VPS37D: variants seen among roughly 807,000 people sequenced by gnomAD.
The protein encoded by VPS37D is VPS37D subunit of ESCRT-I, also known as vacuolar protein sorting-associated protein 37D.
Under a neutral mutation model 22.0 loss-of-function variants are expected in VPS37D, and 5 were observed. The ratio of observed to expected loss-of-function variants is 0.23; its 90% confidence interval spans 0.12 to 0.48. The LOEUF (loss-of-function observed/expected upper bound fraction) is 0.48, where lower values mean the gene tolerates loss of function less well. Ranked by LOEUF, VPS37D falls within the 20% of genes least tolerant of loss-of-function variation. VPS37D has a pLI of 0.99. For missense variants in VPS37D, 384 were observed against 345.8 expected, an observed-to-expected ratio of 1.11 and a Z score of -0.88; for synonymous variants, 174 against 159.3, an observed-to-expected ratio of 1.09 and a Z score of -0.69.
At chr7:73,668,153 T>G in intron 1 of VPS37D, 57 bp downstream of exon 1, 1 of 1,022,796 alleles carries the variant, frequency 9.8e-7, no homozygotes, top group Non-Finnish European at 1.2e-6. Flanking sequence ...CTGCGGGACC[T>G]GCCGCTCGAG....
chr7:73,671,481 T>G lies in VPS37D; in HGVS notation c.*105T>G. On this transcript the variant is annotated 3_prime_UTR_variant, in exon 4 of 4. Coordinates refer to ENST00000324941, the MANE Select transcript of VPS37D (RefSeq NM_001077621.2). ...GGGGGGAGGGGCAGGCCCCTCCCCC[T>G]GGCCTCAGGCAGGCCCTGGCCCTGG... 2 of 249,578 alleles carry G rather than the reference T, an allele frequency of 8.0e-6. No individual in the cohort carries two copies. The highest frequency in any genetic ancestry group is 1.7e-4 in the East Asian group (1 of 6,058). The allele number at this position is 249,578 out of a possible 1,614,324, so 15.5% of individuals were successfully genotyped here. A position where few individuals can be genotyped will look rare whatever the true frequency, so the allele number is the denominator to read the frequency against.
chr7:73,668,914 T>G (rs1797441916), intron 1 of VPS37D, among the ~76,000 whole-genome samples: 2 of 148,376 alleles, frequency 1.3e-5, no homozygotes, highest in African/African-American at 2.5e-5. Context: ...GGGGGTGCTG[T>G]GAGGGGACGG....
At chr7:73,668,633 T>TCTG (rs1416499579) in intron 1 of VPS37D, among the ~76,000 whole-genome samples, 3 of 150,360 alleles carry the variant, frequency 2.0e-5, no homozygotes, top group Non-Finnish European at 4.4e-5. Flanking sequence ...GGGCTGGTTG[T>TCTG]CTGTGGGGGG....
chr7:73,667,322 G>T (rs1470784769), upstream of VPS37D, among the ~76,000 whole-genome samples: 1 of 151,742 alleles, frequency 6.6e-6, no homozygotes, highest in Non-Finnish European at 1.5e-5. Flanking sequence ...TAGAGACGGG[G>T]GTCTTGTTAT....
chr7:73,669,252 C>T (rs529639704), intron 1 of VPS37D, among the ~76,000 whole-genome samples, 167 bp from the exon 2 acceptor site: 6 of 152,316 alleles, frequency 3.9e-5, no homozygotes, highest in South Asian at 4.1e-4. Context: ...GTTCTGGTCC[C>T]GGCCTGTCAT....
chr7:73,670,932 G>C (rs1043900674), intron 3 of VPS37D, 82 bp from the exon 4 acceptor site: 194 of 1,532,960 alleles, frequency 1.3e-4, no homozygotes, highest in Non-Finnish European at 1.6e-4. Flanking sequence ...CATGGGGAGG[G>C]CCTCAGGGTG....
At chr7:73,668,679 G>A (rs566670041) in intron 1 of VPS37D, among the ~76,000 whole-genome samples, 1 of 152,098 alleles carries the variant, frequency 6.6e-6, no homozygotes, top group Non-Finnish European at 1.5e-5. Context: ...GCAGGCAGGC[G>A]AGGAGGGGCT....
In VPS37D at chr7:73,671,308, G is replaced by A. The variant is rs1437933418; in HGVS notation, c.688G>A (p.Gly230Arg). ...RPVPPLKGSPGCPLGPAPLLS... is the reference protein window; with the variant it reads ...RPVPPLKGSPRCPLGPAPLLS... ...AGTGCCCCCACTGAAGGGCTCCCCC[G>A]GGTGCCCCCTCGGCCCGGCCCCCCT... Residue 230 changes from glycine to arginine, a missense_variant, in exon 4 of 4, where the codon GGG becomes AGG. Gly to Arg is a moderately radical substitution (Grantham distance 125). Coordinates refer to ENST00000324941, the MANE Select transcript of VPS37D (RefSeq NM_001077621.2). The A allele has an allele frequency of 1.0e-5, 14 of 1,395,652 alleles. No homozygotes were observed. Among genetic ancestry groups the A allele is most frequent in the African/African-American group, 1.5e-5 (1 of 65,110 alleles). 86.5% of individuals were successfully genotyped at this position (1,395,652 alleles called of 1,614,324 possible).
At chr7:73,669,296 G>C in intron 1 of VPS37D, 123 bp from the exon 2 acceptor site, 3 of 1,287,524 alleles carry the variant, frequency 2.3e-6, no homozygotes, top group Admixed American at 2.8e-5. Context: ...CCACCCTGAA[G>C]GGGTGCCTGA....
upstream of VPS37D, chr7:73,667,818 GC>G: frequency 1.6e-5 from 3 of 192,834 alleles, no homozygotes; most frequent in Non-Finnish European, 2.9e-5. Flanking sequence ...CGGGAGGGGC[GC>G]CCCCTGGCGG....
rs555859199 is a variant in VPS37D, at chr7:73,670,213, C to T, written c.393+111C>T. 99 of 1,496,122 alleles carry T rather than the reference C, an allele frequency of 6.6e-5. No individual in the cohort carries two copies. The African/African-American group carries it at 1.0e-3, about 15-fold the overall frequency. 92.7% of individuals were successfully genotyped at this position (1,496,122 alleles called of 1,614,324 possible). A position where few individuals can be genotyped will look rare whatever the true frequency, so the allele number is the denominator to read the frequency against. On this transcript the variant is annotated intron_variant, in intron 3 of 3. Transcript: ENST00000324941. ...GGGAGCCCCTCCTCTGGGAAGTCCA[C>T]CCTGAATGCCTGGCGCATGCCAGAG...
chr7:73,672,025 T>C lies in VPS37D; in HGVS notation c.*649T>C, dbSNP rs1797530915. The C allele has an allele frequency of 1.3e-5, 2 of 152,382 alleles. No homozygotes were observed. The highest frequency in any genetic ancestry group is 2.9e-5 in the Non-Finnish European group (2 of 68,180). 9.4% of individuals were successfully genotyped at this position (152,382 alleles called of 1,614,324 possible). On this transcript the variant is annotated 3_prime_UTR_variant, in exon 4 of 4. Coordinates refer to ENST00000324941, the MANE Select transcript of VPS37D (RefSeq NM_001077621.2). ...GTCCCTGTCTCCTTAGAATGGAAGC[T>C]TTTTGAGGGCAGGTCCTTGTCTTTG...
At chr7:73,669,020 G>A (rs1322908959) in intron 1 of VPS37D, among the ~76,000 whole-genome samples, 1 of 151,918 alleles carries the variant, frequency 6.6e-6, no homozygotes, top group Non-Finnish European at 1.5e-5. Context: ...GGAGTGAGAG[G>A]GAAGCTGTCC....
In VPS37D at chr7:73,671,033, T is replaced by C. The variant is rs781974814; in HGVS notation, c.413T>C (p.Leu138Pro). 1 of 1,612,468 alleles carries C rather than the reference T, an allele frequency of 6.2e-7. No homozygotes were observed. ...QEAEEQMEQL[L>P]LGEQSLEAFL... Reference sequence around the variant, plus strand: ...GCCCAGGAGCAGATGGAGCAGCTGCTGCTCGGGGAGCAAAGCCTGGAGGCC... The same window carrying C: ...GCCCAGGAGCAGATGGAGCAGCTGCCGCTCGGGGAGCAAAGCCTGGAGGCC... Residue 138 changes from leucine to proline, a missense_variant, in exon 4 of 4, where the codon CTG becomes CCG. Physicochemically the swap from Leu to Pro is moderately conservative, Grantham distance 98. Coordinates refer to ENST00000324941, the MANE Select transcript of VPS37D (RefSeq NM_001077621.2).
intron 2 of VPS37D, 41 bp from the exon 3 acceptor site, chr7:73,669,979 G>C (rs7795181): frequency 0.28 from 426,710 of 1,551,128 alleles, 61,905 homozygotes; most frequent in South Asian, 0.33. Context: ...CAAGCCCGGG[G>C]CCCTGGCCTG....
intron 3 of VPS37D, among the ~76,000 whole-genome samples, chr7:73,670,335 C>T (rs1198642014): frequency 6.6e-6 from 1 of 152,154 alleles, no homozygotes; most frequent in Non-Finnish European, 1.5e-5. Context: ...GCTAGGGCAG[C>T]GTGGATCTGG....
Position 73,671,602 on chromosome 7 carries a change from T to G in VPS37D, c.*226T>G. On this transcript the variant is annotated 3_prime_UTR_variant, in exon 4 of 4. Transcript: ENST00000324941. ...TATGCCTCTGGCGCTGAAGACACCC[T>G]GCCTTTTTTGTTTCCGTGCCCCGGG... The G allele has an allele frequency of 4.0e-6, 1 of 246,934 alleles. No individual in the cohort carries two copies. The highest frequency in any genetic ancestry group is 7.8e-6 in the Non-Finnish European group (1 of 128,432). 15.3% of individuals were successfully genotyped at this position (246,934 alleles called of 1,614,324 possible).
chr7:73,669,969 C>T, intron 2 of VPS37D, 51 bp from the exon 3 acceptor site: 1 of 1,551,004 alleles, frequency 6.4e-7, no homozygotes, highest in Non-Finnish European at 8.7e-7. Context: ...CGGGAGAGTG[C>T]AAGCCCGGGG....
Position 73,668,022 on chromosome 7 carries a change from C to T in VPS37D, c.64C>T (p.Leu22Phe). The change falls in exon 1 of 4, where the codon CTC becomes TTC. Residue 22 changes from leucine to phenylalanine, a missense_variant. By Grantham distance (22) the Leu-to-Phe change is conservative. Coordinates refer to ENST00000324941, the MANE Select transcript of VPS37D (RefSeq NM_001077621.2). ...CGGCAGCCCGGGGCGCTTTGGGATC[C>T]TCAGCACCGGGCAGCTCCGGGACCT... ...EPGSPGRFGI[L>F]STGQLRDLLQ... is the part of the protein sequence containing the mutation. 8.7e-7 allele frequency: 1 copy of T among 1,153,124 alleles called. No individual in the cohort carries two copies. Among genetic ancestry groups the T allele is most frequent in the Non-Finnish European group, 1.1e-6 (1 of 927,560 alleles). The allele number at this position is 1,153,124 out of a possible 1,614,324, so 71.4% of individuals were successfully genotyped here. A position where few individuals can be genotyped will look rare whatever the true frequency, so the allele number is the denominator to read the frequency against.
Sources: allele counts gnomAD v4.1 joint callset (sites outside exome capture counted in the v4.1 genomes callset), GRCh38; gene constraint gnomAD v4.1.1; transcripts MANE v1.5; gene names NCBI Gene and HGNC (gene_info 2026-07-23, HGNC 2026-07-21).